Variants in SDK2 observed in about 807,000 individuals in gnomAD.
SDK2 encodes protein sidekick-2.
Under a neutral mutation model 253.9 loss-of-function variants are expected in SDK2, and 105 were observed. That is an observed-to-expected ratio of 0.41 (90% CI 0.35 to 0.49). SDK2 has a LOEUF of 0.49. Among genes scored for constraint, SDK2 ranks in the 20% least tolerant of loss-of-function variants. The pLI, the probability that SDK2 is intolerant of heterozygous loss-of-function variation, is 0.06. For synonymous variants in SDK2, 1,249 were observed against 1,234.9 expected (o/e 1.01, Z -0.24); for missense variants, 2,608 against 3,003.0 (o/e 0.87, Z 3.07).
Position 73,394,342 on chromosome 17 carries a change from T to A in SDK2, c.3593-18A>T, listed in dbSNP as rs1345196678. On this transcript the variant is annotated intron_variant, in intron 25 of 44. Coordinates refer to ENST00000392650, the MANE Select transcript of SDK2 (RefSeq NM_001144952.2). ...AGAGGGAACTGTGGGGGAAAGGGAG[T>A]GGAGAGAAGGCACTCAGGACCCAAC... The A allele has an allele frequency of 6.6e-7, 1 of 1,519,938 alleles. No individual in the cohort carries two copies. Among genetic ancestry groups the A allele is most frequent in the Non-Finnish European group, 8.9e-7 (1 of 1,122,640 alleles). 94.2% of individuals were successfully genotyped at this position (1,519,938 alleles called of 1,614,324 possible). A position where few individuals can be genotyped will look rare whatever the true frequency, so the allele number is the denominator to read the frequency against.
chr17:73,543,181 C>T (rs1048251328), intron 1 of SDK2, among the ~76,000 whole-genome samples: 2 of 152,166 alleles, frequency 1.3e-5, no homozygotes, highest in Non-Finnish European at 2.9e-5. Flanking sequence ...GGGCACTCAG[C>T]TCCCTGCCCT....
chr17:73,427,071 C>A (rs914978309), intron 12 of SDK2, among the ~76,000 whole-genome samples: 1 of 151,658 alleles, frequency 6.6e-6, no homozygotes, highest in Non-Finnish European at 1.5e-5. Context: ...GGTGACAGAG[C>A]GAGACTCCAT....
chr17:73,371,038 T>A (rs954200992), intron 36 of SDK2, among the ~76,000 whole-genome samples: 1 of 152,176 alleles, frequency 6.6e-6, no homozygotes, highest in Non-Finnish European at 1.5e-5. Flanking sequence ...CACTCCAGCC[T>A]GGGCAACAGA....
chr17:73,538,658 G>A (rs2044818942), intron 1 of SDK2, among the ~76,000 whole-genome samples: 1 of 152,210 alleles, frequency 6.6e-6, no homozygotes, highest in South Asian at 2.1e-4. Context: ...ATTCGGGGAG[G>A]GAAGCTCTGG....
intron 2 of SDK2, among the ~76,000 whole-genome samples, chr17:73,482,844 A>G (rs1206561519): frequency 6.6e-6 from 1 of 152,230 alleles, no homozygotes; most frequent in East Asian, 1.9e-4. Context: ...GAAAATAAGC[A>G]GGGATCCCTC....
chr17:73,407,814 C>CT (rs1426473433), intron 18 of SDK2, among the ~76,000 whole-genome samples: 1 of 152,114 alleles, frequency 6.6e-6, no homozygotes, highest in Non-Finnish European at 1.5e-5. Context: ...CCTAGATAAA[C>CT]TGAAACTTCA....
At chr17:73,606,747 A>G (rs1224637158) in intron 1 of SDK2, among the ~76,000 whole-genome samples, 1 of 152,196 alleles carries the variant, frequency 6.6e-6, no homozygotes, top group African/African-American at 2.4e-5. Context: ...CGCAGAATCC[A>G]GATTTTCAGT....
chr17:73,363,437 C>T (rs2062657967), intron 38 of SDK2, among the ~76,000 whole-genome samples: 1 of 152,126 alleles, frequency 6.6e-6, no homozygotes, highest in Admixed American at 6.5e-5. Context: ...ATGAAATGAC[C>T]CTGGGACCAG....
chr17:73,344,426 C>T (rs189291706), intron 44 of SDK2, among the ~76,000 whole-genome samples: 140 of 152,266 alleles, frequency 9.2e-4, no homozygotes, highest in African/African-American at 2.9e-3. Context: ...GGCAGCTGCA[C>T]GAGGCCAGGC....
At chr17:73,594,695 GCA>G (rs1174968143) in intron 1 of SDK2, among the ~76,000 whole-genome samples, 1 of 151,920 alleles carries the variant, frequency 6.6e-6, no homozygotes, top group Non-Finnish European at 1.5e-5. Flanking sequence ...GCACACATAT[GCA>G]CACAAATACA....
At chr17:73,415,747 C>A in intron 17 of SDK2, 64 bp downstream of exon 17, 1 of 1,426,262 alleles carries the variant, frequency 7.0e-7, no homozygotes, top group Non-Finnish European at 9.6e-7. Context: ...TCTTGGCGTC[C>A]CAAAGTGCTA....
intron 2 of SDK2, among the ~76,000 whole-genome samples, chr17:73,476,447 T>C (rs1312117176): frequency 6.6e-6 from 1 of 152,226 alleles, no homozygotes; most frequent in Non-Finnish European, 1.5e-5. Flanking sequence ...TTCTTTATCG[T>C]ACGCATATAT....
chr17:73,337,503 A>ATGTGTG lies in SDK2; in HGVS notation c.*1078_*1083dup, dbSNP rs4035979. 242 of 148,306 alleles carry ATGTGTG rather than the reference A, an allele frequency of 1.6e-3. 2 individuals are homozygous for ATGTGTG. Among genetic ancestry groups the ATGTGTG allele is most frequent in the African/African-American group, 4.1e-3 (164 of 40,346 alleles). 9.2% of individuals were successfully genotyped at this position (148,306 alleles called of 1,614,324 possible). On this transcript the variant is annotated 3_prime_UTR_variant, in exon 45 of 45. Coordinates refer to ENST00000392650, the MANE Select transcript of SDK2 (RefSeq NM_001144952.2). ...CCTGTTCCTTGTAAGTGCATGGGAGATGTGTGTGTGTGTGTGTGTGTGGTG... is the reference window on the plus strand; with the variant it reads ...CCTGTTCCTTGTAAGTGCATGGGAGATGTGTGTGTGTGTGTGTGTGTGTGTGTGGTG...
intron 41 of SDK2, among the ~76,000 whole-genome samples, chr17:73,351,315 G>A (rs924960719): frequency 1.3e-5 from 2 of 152,086 alleles, no homozygotes; most frequent in Admixed American, 1.3e-4. Context: ...TCACCATGTT[G>A]GCCAGGCTGG....
At chr17:73,581,735 C>T (rs1436923689) in intron 1 of SDK2, among the ~76,000 whole-genome samples, 2 of 152,254 alleles carry the variant, frequency 1.3e-5, no homozygotes, top group African/African-American at 4.8e-5. Context: ...CTTCTGCAGC[C>T]TGTCTGCACC....
Position 73,415,919 on chromosome 17 carries a change from G to C in SDK2, c.2260C>G (p.Leu754Val), listed in dbSNP as rs1331966618. ...TTGGTCCAAATGATGAGATCCTCCAGCAGCAGGTTGTTCACATCAGCATCC... is the reference window on the plus strand; with the variant it reads ...TTGGTCCAAATGATGAGATCCTCCACCAGCAGGTTGTTCACATCAGCATCC... ...ITDADVNNLLLEDLIIWTNYE... is the reference protein window; with the variant it reads ...ITDADVNNLLVEDLIIWTNYE... Residue 754 changes from leucine (L) to valine (V), a missense_variant, in exon 17 of 45, where the codon CTG becomes GTG. Leu to Val is a conservative substitution (Grantham distance 32, BLOSUM62 1). Transcript: ENST00000392650. 5.6e-6 allele frequency: 9 copies of C among 1,609,708 alleles called. No individual in the cohort carries two copies. Among genetic ancestry groups the C allele is most frequent in the Non-Finnish European group, 7.6e-6 (9 of 1,178,286 alleles).
chr17:73,373,276 C>T (rs1237072911), intron 36 of SDK2, among the ~76,000 whole-genome samples: 1 of 152,214 alleles, frequency 6.6e-6, no homozygotes, highest in Non-Finnish European at 1.5e-5. Flanking sequence ...CACAGACACT[C>T]AGGCTATTTC....
chr17:73,378,640 G>A (rs1322599377), intron 36 of SDK2, among the ~76,000 whole-genome samples: 2 of 151,748 alleles, frequency 1.3e-5, no homozygotes, highest in African/African-American at 2.4e-5. Context: ...GGCTGGTCTC[G>A]AACTCCTGAC....
At position 73,431,989 on chromosome 17, in the gene SDK2, C is replaced by G. The variant is rs539637334; in HGVS notation, c.1313-320G>C. On this transcript the variant is annotated intron_variant, in intron 10 of 44. Transcript: ENST00000392650. This position sits in a 1 kb window ranked among gnomAD's most constrained non-coding sequence, Gnocchi z 5.6. The stretch of plus-strand genomic sequence containing the variant: ...GTTTCCTGATGACGGTGAGCAGTAG[C>G]CCGGCACAGCCCTCAGAGGCAGCTG... Among the ~76,000 whole-genome samples the G allele has an allele frequency of 2.6e-5, 4 of 152,290 alleles. No homozygotes were observed. The East Asian group carries it at 7.8e-4, about 30-fold the overall frequency.
Sources: allele counts gnomAD v4.1 joint callset (sites outside exome capture counted in the v4.1 genomes callset), GRCh38; gene constraint gnomAD v4.1.1; non-coding constraint Gnocchi (gnomAD v3.1); transcripts MANE v1.5; gene names NCBI Gene and HGNC (gene_info 2026-07-23, HGNC 2026-07-21).